The following SPMIP7 variants were observed in gnomAD, a reference collection of about 807,000 sequenced individuals.
The protein encoded by SPMIP7 is sperm microtubule inner protein 7.
chr7:50,130,029 G>C, the SPMIP7 span, among the ~76,000 whole-genome samples: 1 of 152,174 alleles, frequency 6.6e-6, no homozygotes, highest in African/African-American at 2.4e-5. Context: ...AAGAGGGAGT[G>C]GGGGGATAAG....
At chr7:50,117,669 GT>G in the SPMIP7 span, among the ~76,000 whole-genome samples, 1 of 152,084 alleles carries the variant, frequency 6.6e-6, no homozygotes, top group Non-Finnish European at 1.5e-5. Context: ...GATACTTTTT[GT>G]TTTTTGGTCT....
At chr7:50,140,675 A>C in the SPMIP7 span, among the ~76,000 whole-genome samples, 1 of 152,188 alleles carries the variant, frequency 6.6e-6, no homozygotes, top group Non-Finnish European at 1.5e-5. Flanking sequence ...AGAACCTTGA[A>C]ACAAAACAAA....
the SPMIP7 span, among the ~76,000 whole-genome samples, chr7:50,099,793 G>C: frequency 1.3e-5 from 2 of 152,058 alleles, no homozygotes; most frequent in South Asian, 4.2e-4. Context: ...GAGAAGCTGG[G>C]GTCCTGGATC....
the SPMIP7 span, chr7:50,096,346 A>G: frequency 3.2e-6 from 5 of 1,552,082 alleles, no homozygotes; most frequent in South Asian, 4.8e-5. Context: ...ATCCCCCACC[A>G]TATGGGCCAC....
chr7:50,109,362 AATTTATTT>A, the SPMIP7 span, among the ~76,000 whole-genome samples: 11 of 12,580 alleles, frequency 8.7e-4, no homozygotes, highest in Non-Finnish European at 2.4e-3. Flanking sequence ...AACACAGTTT[AATTTATTT>A]ATTTATTTAT....
At chr7:50,140,413 A>T in the SPMIP7 span, among the ~76,000 whole-genome samples, 1 of 152,246 alleles carries the variant, frequency 6.6e-6, no homozygotes, top group Non-Finnish European at 1.5e-5. Flanking sequence ...GGAAGGAAAG[A>T]AAGAGAGAAA....
At chr7:50,140,042 T>A in the SPMIP7 span, 6 of 790,716 alleles carry the variant, frequency 7.6e-6, no homozygotes, top group Non-Finnish European at 9.8e-6. Context: ...ATGAGATATC[T>A]GTGAAGGCTT....
the SPMIP7 span, among the ~76,000 whole-genome samples, chr7:50,129,397 G>A: frequency 2.0e-5 from 3 of 151,860 alleles, no homozygotes; most frequent in South Asian, 2.1e-4. Flanking sequence ...AAGACAATAC[G>A]TTCTAAAATT....
the SPMIP7 span, among the ~76,000 whole-genome samples, chr7:50,135,852 G>A: frequency 6.6e-6 from 1 of 152,182 alleles, no homozygotes; most frequent in Non-Finnish European, 1.5e-5. Context: ...TATGAAACAG[G>A]TGGATAATGA....
At chr7:50,150,489 T>C in the SPMIP7 span, among the ~76,000 whole-genome samples, 2 of 152,236 alleles carry the variant, frequency 1.3e-5, no homozygotes, top group Admixed American at 6.5e-5. Flanking sequence ...GCAAAGATGG[T>C]AGGCTATTAC....
chr7:50,152,040 T>A, the SPMIP7 span, among the ~76,000 whole-genome samples: 3 of 152,190 alleles, frequency 2.0e-5, no homozygotes, highest in Admixed American at 2.0e-4. Context: ...TAAACCCACA[T>A]TTTGCAAATT....
chr7:50,124,338 A>G, the SPMIP7 span, among the ~76,000 whole-genome samples: 1 of 152,198 alleles, frequency 6.6e-6, no homozygotes, highest in African/African-American at 2.4e-5. Flanking sequence ...CAACTAGACA[A>G]AACAACTAAT....
chr7:50,139,021 G>T, the SPMIP7 span, among the ~76,000 whole-genome samples: 1 of 152,032 alleles, frequency 6.6e-6, no homozygotes, highest in African/African-American at 2.4e-5. Context: ...AAATTGAATG[G>T]TAATCGTTTA....
the SPMIP7 span, among the ~76,000 whole-genome samples, chr7:50,120,966 A>G: frequency 4.6e-5 from 7 of 152,168 alleles, no homozygotes; most frequent in Non-Finnish European, 7.3e-5. Flanking sequence ...TTCCTGTTGC[A>G]TAGTGTACTT....
chr7:50,150,191 C>G, the SPMIP7 span, among the ~76,000 whole-genome samples: 1 of 152,112 alleles, frequency 6.6e-6, no homozygotes. Context: ...TGGATATAAC[C>G]AAGGCAGCCA....
the SPMIP7 span, among the ~76,000 whole-genome samples, chr7:50,148,219 A>G: frequency 0.82 from 124,198 of 152,206 alleles, 50,695 homozygotes; most frequent in East Asian, 0.92. Flanking sequence ...ATATTTGGCA[A>G]TTTATTATGC....
At chr7:50,134,797 A>C in the SPMIP7 span, among the ~76,000 whole-genome samples, 1 of 152,244 alleles carries the variant, frequency 6.6e-6, no homozygotes, top group African/African-American at 2.4e-5. Context: ...CACAGGAATT[A>C]TCATATCTAT....
the SPMIP7 span, chr7:50,104,338 C>A: frequency 1.3e-6 from 2 of 1,537,022 alleles, no homozygotes; most frequent in South Asian, 2.5e-5. Context: ...CTGAAAGTTA[C>A]TCCCTTACAA....
chr7:50,136,015 G>A, the SPMIP7 span: 2 of 984,922 alleles, frequency 2.0e-6, no homozygotes, highest in East Asian at 2.7e-5. Context: ...GACGTAGAAA[G>A]GACTGTCAAG....
Sources: allele counts gnomAD v4.1 joint callset (sites outside exome capture counted in the v4.1 genomes callset), GRCh38; gene constraint gnomAD v4.1.1; transcripts MANE v1.5; gene names NCBI Gene and HGNC (gene_info 2026-07-23, HGNC 2026-07-21).